PPFIA2: variants seen among roughly 807,000 people sequenced by gnomAD.
PPFIA2 encodes the protein liprin-alpha-2.
PPFIA2 carries 46 observed loss-of-function variants against 175.5 expected under a neutral mutation model. That is an observed-to-expected ratio of 0.26 (90% CI 0.21 to 0.34). The LOEUF (loss-of-function observed/expected upper bound fraction) is 0.34. Among genes scored for constraint, PPFIA2 ranks in the 10% least tolerant of loss-of-function variants. PPFIA2 has a pLI of 1.00. For missense variants in PPFIA2, 1,179 were observed against 1,506.1 expected (o/e 0.78, Z 3.60); for synonymous variants, 568 against 511.4 (o/e 1.11, Z -1.49).
intron 4 of PPFIA2, among the ~76,000 whole-genome samples, chr12:81,571,855 G>A (rs1229888848): frequency 1.3e-5 from 2 of 151,970 alleles, no homozygotes; most frequent in African/African-American, 4.8e-5. Context: ...ACACATTGTA[G>A]GTATTAAGAA....
intron 8 of PPFIA2, among the ~76,000 whole-genome samples, chr12:81,395,218 C>T (rs1279819397): frequency 6.6e-6 from 1 of 151,874 alleles, no homozygotes; most frequent in Non-Finnish European, 1.5e-5. Flanking sequence ...AAGGAGATAA[C>T]AATCACAGTA....
chr12:81,753,083 T>C (rs1013645566), intron 3 of PPFIA2, among the ~76,000 whole-genome samples: 1 of 151,868 alleles, frequency 6.6e-6, no homozygotes, highest in African/African-American at 2.4e-5. Context: ...TACAGGCGCA[T>C]GGCACCACAC....
chr12:81,362,012 T>A (rs983696017), intron 15 of PPFIA2, among the ~76,000 whole-genome samples: 1 of 104,700 alleles, frequency 9.6e-6, no homozygotes, highest in Non-Finnish European at 1.8e-5. Context: ...TATGTATCTA[T>A]CTATCTATCT....
intron 4 of PPFIA2, among the ~76,000 whole-genome samples, chr12:81,599,408 AT>A (rs2059574757): frequency 1.3e-5 from 2 of 152,038 alleles, no homozygotes; most frequent in Non-Finnish European, 2.9e-5. Context: ...AATTCTTTAG[AT>A]GGGACTCCTA....
chr12:81,312,282 AG>A, intron 22 of PPFIA2: 1 of 1,040,184 alleles, frequency 9.6e-7, no homozygotes, highest in East Asian at 2.6e-5. Flanking sequence ...TTAAGATGTG[AG>A]AAAGCTCAGG....
intron 19 of PPFIA2, among the ~76,000 whole-genome samples, chr12:81,341,436 A>G (rs1316947239): frequency 1.1e-5 from 1 of 94,042 alleles, no homozygotes; most frequent in Non-Finnish European, 2.2e-5. Flanking sequence ...TAGACCCACT[A>G]CACAAAAATG....
chr12:81,600,448 C>T (rs570590324), intron 4 of PPFIA2, among the ~76,000 whole-genome samples: 152 of 151,958 alleles, frequency 1.0e-3, no homozygotes, highest in African/African-American at 3.2e-3. Context: ...TTGCATAAAT[C>T]GCTTATGATT....
rs557906690 is a variant in PPFIA2 at position 81,753,376 on chromosome 12, C to T, written c.249+597G>A. Among the ~76,000 whole-genome samples, 4 of 151,142 alleles carry T rather than the reference C, an allele frequency of 2.6e-5. 1 individual carries two copies. The highest frequency in any genetic ancestry group is 4.9e-5 in the African/African-American group (2 of 41,216). On this transcript the variant is annotated intron_variant, in intron 3 of 32. Transcript: ENST00000549396. ...AAATATATTTAAATATAGCTAACAA[C>T]GTTAAGTTAGTGAGGCTTAACTTTT... is the stretch of plus-strand genomic sequence containing the variant.
intron 4 of PPFIA2, among the ~76,000 whole-genome samples, chr12:81,630,406 T>A (rs2063230311): frequency 6.6e-6 from 1 of 152,124 alleles, no homozygotes; most frequent in Non-Finnish European, 1.5e-5. Flanking sequence ...CAAGAAAGGC[T>A]GGAAAAAGCC....
At chr12:81,482,487 C>T (rs181214195) in intron 4 of PPFIA2, among the ~76,000 whole-genome samples, 7 of 152,278 alleles carry the variant, frequency 4.6e-5, no homozygotes, top group African/African-American at 1.4e-4. Context: ...TGGAACCCAC[C>T]CATATGTCCA....
At chr12:81,392,083 C>CA (rs1210211107) in intron 8 of PPFIA2, among the ~76,000 whole-genome samples, 4 of 151,050 alleles carry the variant, frequency 2.6e-5, no homozygotes, top group Non-Finnish European at 5.9e-5. Context: ...AAAGACAGGA[C>CA]AAAAAAAGGA....
At chr12:81,351,869 G>A (rs2140890619) in intron 17 of PPFIA2, among the ~76,000 whole-genome samples, 1 of 151,982 alleles carries the variant, frequency 6.6e-6, no homozygotes, top group South Asian at 2.1e-4. Flanking sequence ...CTGAGTTATG[G>A]CACACTAGCC....
intron 22 of PPFIA2, chr12:81,302,810 A>G (rs1756716060): frequency 2.8e-6 from 1 of 356,182 alleles, no homozygotes; most frequent in Non-Finnish European, 5.7e-6. Context: ...CAAAATTTAT[A>G]AAAGGCATAT....
rs530399128 is a variant in PPFIA2, at chr12:81,449,641, T to A, written c.406-3921A>T. 1.8e-4 allele frequency among the ~76,000 whole-genome samples: 28 copies of A among 152,300 alleles called. No homozygotes were observed. The East Asian group carries it at 3.9e-3, about 21-fold the overall frequency. ...GGTTAAATAAGCCAAGACTTTTTTT[T>A]ATTTTTTATTATTATACTGTAAGTT... On this transcript the variant is annotated intron_variant, in intron 5 of 32. Coordinates refer to ENST00000549396, the MANE Select transcript of PPFIA2 (RefSeq NM_003625.5).
At chr12:81,306,632 C>T (rs2049295930) in intron 22 of PPFIA2, among the ~76,000 whole-genome samples, 1 of 148,242 alleles carries the variant, frequency 6.7e-6, no homozygotes, top group South Asian at 2.2e-4. Context: ...CCTCTGCCTT[C>T]CAGGTTCAAG....
At chr12:81,463,870 C>A (rs928688344) in intron 4 of PPFIA2, among the ~76,000 whole-genome samples, 2 of 151,962 alleles carry the variant, frequency 1.3e-5, no homozygotes, top group African/African-American at 4.8e-5. Context: ...AATAAAATAA[C>A]TTTCTTTTCT....
At chr12:81,459,177 T>C (rs987868840) in intron 4 of PPFIA2, among the ~76,000 whole-genome samples, 9 of 152,094 alleles carry the variant, frequency 5.9e-5, no homozygotes, top group Admixed American at 3.3e-4. Flanking sequence ...TTGGCTGACA[T>C]AGGGATAAAT....
In PPFIA2 at chr12:81,325,818, T is replaced by C. The variant is rs750516009; in HGVS notation, c.2601A>G (p.Lys867=). Residue 867 remains lysine, a synonymous_variant, in exon 22 of 33, where the codon AAA becomes AAG. Transcript: ENST00000549396. The part of the protein sequence containing the change: ...AAAQESLGLG[K]LGTQAEKDRR... Reference sequence around the variant, plus strand: ...GATCCTTCTCAGCTTGAGTTCCGAGTTTGCCTAACCCCAGGGACTCCTGAG... The same window carrying C: ...GATCCTTCTCAGCTTGAGTTCCGAGCTTGCCTAACCCCAGGGACTCCTGAG... The C allele has an allele frequency of 4.3e-6, 7 of 1,612,834 alleles. No homozygotes were observed. In the East Asian group the frequency reaches 1.6e-4, roughly 36 times the overall value.
At chr12:81,663,614 C>T (rs749521844) in intron 4 of PPFIA2, among the ~76,000 whole-genome samples, 1 of 152,112 alleles carries the variant, frequency 6.6e-6, no homozygotes, top group Non-Finnish European at 1.5e-5. Context: ...CCATACTGCC[C>T]AAGGGAATTT....
Sources: gnomAD v4.1 joint callset for allele counts (sites outside exome capture counted in the v4.1 genomes callset) on GRCh38, gnomAD v4.1.1 for gene constraint, MANE v1.5 for transcripts, NCBI Gene and HGNC (gene_info 2026-07-23, HGNC 2026-07-21) for gene names.